AVL9: variants seen among roughly 807,000 people sequenced by gnomAD.
AVL9 encodes the protein late secretory pathway protein AVL9 homolog.
AVL9 carries 49 observed loss-of-function variants against 79.2 expected under a neutral mutation model. That is an observed-to-expected ratio of 0.62 (90% CI 0.49 to 0.79). The LOEUF is 0.79. AVL9 is among the 30% of genes least tolerant of loss of function. The probability of loss-of-function intolerance (pLI) is 0.00; values close to 1 mark genes in which losing one functional copy is unlikely to be tolerated. For synonymous variants in AVL9, 299 were observed against 280.6 expected (o/e 1.07, Z -0.65); for missense variants, 682 against 776.8 (o/e 0.88, Z 1.45).
At chr7:32,547,253 T>A (rs879500823) in intron 3 of AVL9, among the ~76,000 whole-genome samples, 2 of 152,208 alleles carry the variant, frequency 1.3e-5, no homozygotes, top group Admixed American at 1.3e-4. Flanking sequence ...AATCCCAGAG[T>A]TGGTTTTAAA....
chr7:32,542,072 C>CT (rs1420153040), intron 1 of AVL9, among the ~76,000 whole-genome samples: 1 of 151,910 alleles, frequency 6.6e-6, no homozygotes, highest in Non-Finnish European at 1.5e-5. Flanking sequence ...TTAATCTAAA[C>CT]TTTTAAAGAG....
At position 32,583,932 on chromosome 7, in the gene AVL9, C is replaced by T. The variant is rs1343840974; in HGVS notation, c.*25C>T. Reference sequence around the variant, plus strand: ...AGCAAGGCGTCAGAGGCTGCTATTGCTTTCTGAGGTTTAAGTGTCCCCTGT... The same window carrying T: ...AGCAAGGCGTCAGAGGCTGCTATTGTTTTCTGAGGTTTAAGTGTCCCCTGT... On this transcript the variant is annotated 3_prime_UTR_variant, in exon 16 of 16. Transcript: ENST00000318709. The T allele has an allele frequency of 1.3e-6, 2 of 1,548,450 alleles. No individual in the cohort carries two copies. Among genetic ancestry groups the T allele is most frequent in the Admixed American group, 1.7e-5 (1 of 59,896 alleles).
At chr7:32,541,148 G>A (rs1294017154) in intron 1 of AVL9, among the ~76,000 whole-genome samples, 5 of 151,836 alleles carry the variant, frequency 3.3e-5, no homozygotes, top group Admixed American at 1.3e-4. Context: ...TGATCCGCCC[G>A]CCTCGGCCTC....
At chr7:32,547,391 A>G (rs1221945407) in intron 3 of AVL9, among the ~76,000 whole-genome samples, 1 of 152,150 alleles carries the variant, frequency 6.6e-6, no homozygotes, top group African/African-American at 2.4e-5. Context: ...TCACTGTTAC[A>G]CTATTATCTT....
intron 1 of AVL9, among the ~76,000 whole-genome samples, chr7:32,520,288 A>G (rs1240486168): frequency 1.3e-5 from 2 of 152,246 alleles, no homozygotes; most frequent in African/African-American, 4.8e-5. Context: ...ATAGATTGGT[A>G]TCATTAGCTT....
chr7:32,573,006 A>C (rs1239951482), intron 11 of AVL9, among the ~76,000 whole-genome samples, 193 bp from the exon 12 acceptor site: 1 of 152,148 alleles, frequency 6.6e-6, no homozygotes, highest in African/African-American at 2.4e-5. Flanking sequence ...TTTTCTAAAA[A>C]CAGAAAATGA....
chr7:32,558,596 G>A lies in AVL9; in HGVS notation c.647G>A (p.Gly216Asp), dbSNP rs1179927111. 13 of 1,612,412 alleles carry A rather than the reference G, an allele frequency of 8.1e-6. No individual in the cohort carries two copies. The highest frequency in any genetic ancestry group is 1.3e-5 in the African/African-American group (1 of 74,788). ...ATTTCTCCAGTGAATAAATTGGTGGGTGCACTGATGACTGTGTTATCCCTT... is the reference window on the plus strand; with the variant it reads ...ATTTCTCCAGTGAATAAATTGGTGGATGCACTGATGACTGTGTTATCCCTT... ...FYISPVNKLV[G>D]ALMTVLSLFP... Residue 216 changes from glycine (G) to aspartate (D), a missense_variant, in exon 9 of 16, where the codon GGT becomes GAT. Gly to Asp is a moderately conservative substitution (Grantham distance 94). Transcript: ENST00000318709.
chr7:32,543,780 GA>G (rs1789329460), intron 2 of AVL9, among the ~76,000 whole-genome samples: 1 of 152,220 alleles, frequency 6.6e-6, no homozygotes, highest in Admixed American at 6.5e-5. Context: ...AGTTCTTACC[GA>G]ATCTCTTACC....
chr7:32,551,383 A>G lies in AVL9; in HGVS notation c.422A>G (p.Tyr141Cys). ...AAACTTCAACTCATTACACATGCATATTTTGAAGAGAAGGATTTTTCCCAA... is the reference window on the plus strand; with the variant it reads ...AAACTTCAACTCATTACACATGCATGTTTTGAAGAGAAGGATTTTTCCCAA... Reference protein sequence around the residue: ...QAKLQLITHAYFEEKDFSQIS... With the variant: ...QAKLQLITHACFEEKDFSQIS... Residue 141 changes from tyrosine (Y) to cysteine (C), a missense_variant, in exon 5 of 16, where the codon TAT becomes TGT. Transcript: ENST00000318709. 6.2e-7 allele frequency: 1 copy of G among 1,611,906 alleles called. No homozygotes were observed. Among genetic ancestry groups the G allele is most frequent in the Non-Finnish European group, 8.5e-7 (1 of 1,178,390 alleles).
Position 32,579,658 on chromosome 7 carries a change from AG to A in AVL9, c.1689-558del, listed in dbSNP as rs199543231. 1.2e-4 allele frequency among the ~76,000 whole-genome samples: 15 copies of A among 120,328 alleles called. 1 individual carries two copies. The East Asian group carries it at 2.8e-3, about 22-fold the overall frequency. 78.9% of individuals were successfully genotyped at this position (120,328 alleles called of 152,430 possible). A position where few individuals can be genotyped will look rare whatever the true frequency, so the allele number is the denominator to read the frequency against. On this transcript the variant is annotated intron_variant, in intron 13 of 15. Coordinates refer to ENST00000318709, the MANE Select transcript of AVL9 (RefSeq NM_015060.3). ...TTTTTTCTTTTAATATAATGGAAAT[AG>A]GGAAGTCTGAATAATGTATTTTCTT... is the stretch of plus-strand genomic sequence containing the variant.
Position 32,551,605 on chromosome 7 carries a change from C to CTTTTTTTT in AVL9, c.462+194_462+201dup, listed in dbSNP as rs60271681. Reference sequence around the variant, plus strand: ...TGCCCAAATACTAAATTTAACCAAACTTTTTTTTTTTTTTTTTTTAGGAAA... The same window carrying CTTTTTTTT: ...TGCCCAAATACTAAATTTAACCAAACTTTTTTTTTTTTTTTTTTTTTTTTTTTAGGAAA... On this transcript the variant is annotated intron_variant, in intron 5 of 15. Transcript: ENST00000318709. Among the ~76,000 whole-genome samples the CTTTTTTTT allele has an allele frequency of 6.4e-3, 602 of 93,706 alleles. 75 individuals carry two copies. The highest frequency in any genetic ancestry group is 0.021 in the African/African-American group (470 of 22,842). 61.5% of individuals were successfully genotyped at this position (93,706 alleles called of 152,430 possible). A position where few individuals can be genotyped will look rare whatever the true frequency, so the allele number is the denominator to read the frequency against.
chr7:32,520,081 A>C (rs1407807457), intron 1 of AVL9, among the ~76,000 whole-genome samples: 1 of 152,214 alleles, frequency 6.6e-6, no homozygotes, highest in Non-Finnish European at 1.5e-5. Context: ...ATGATTCAAC[A>C]TGAGATTTGG....
intron 9 of AVL9, 99 bp from the exon 10 acceptor site, chr7:32,558,830 T>A: frequency 2.5e-6 from 3 of 1,183,110 alleles, no homozygotes; most frequent in Non-Finnish European, 3.5e-6. Context: ...TGTACAAGCA[T>A]AGCTTATTAA....
chr7:32,496,484 C>T (rs531091333), intron 1 of AVL9, among the ~76,000 whole-genome samples: 13 of 152,250 alleles, frequency 8.5e-5, no homozygotes, highest in African/African-American at 2.9e-4. Context: ...AATATAAAGG[C>T]GTTTTTCAGC....
chr7:32,507,100 A>G (rs796815509), intron 1 of AVL9, among the ~76,000 whole-genome samples: 36 of 152,306 alleles, frequency 2.4e-4, no homozygotes, highest in African/African-American at 7.2e-4. Context: ...GTAAAGCTAT[A>G]TGGTCCTCTA....
Position 32,495,907 on chromosome 7 carries a change from C to T in AVL9, c.93+105C>T, listed in dbSNP as rs1786781205. ...CTCAGCTCGCGTCGTGCAGTCCTCC[C>T]CACAGCGCCTGCGACCCTTCGCCTC... On this transcript the variant is annotated intron_variant, in intron 1 of 15. Coordinates refer to ENST00000318709, the MANE Select transcript of AVL9 (RefSeq NM_015060.3). 4 of 689,830 alleles carry T rather than the reference C, an allele frequency of 5.8e-6. No individual in the cohort carries two copies. In the East Asian group the frequency reaches 1.4e-4, roughly 24 times the overall value. The allele number at this position is 689,830 out of a possible 1,614,324, so 42.7% of individuals were successfully genotyped here.
intron 1 of AVL9, among the ~76,000 whole-genome samples, chr7:32,529,921 T>A (rs1431205096): frequency 1.3e-5 from 2 of 152,178 alleles, no homozygotes; most frequent in Non-Finnish European, 1.5e-5. Flanking sequence ...CTTTTTTCTC[T>A]TAGTATTATG....
intron 11 of AVL9, among the ~76,000 whole-genome samples, chr7:32,572,145 G>C (rs933618352): frequency 1.4e-5 from 2 of 147,530 alleles, no homozygotes; most frequent in Admixed American, 1.3e-4. Flanking sequence ...TTGGGCGATA[G>C]AGTGAAATTC....
chr7:32,508,038 C>T (rs1239407230), intron 1 of AVL9, among the ~76,000 whole-genome samples: 1 of 152,190 alleles, frequency 6.6e-6, no homozygotes, highest in African/African-American at 2.4e-5. Context: ...TTGTGACGCA[C>T]ATGCTCCAAA....
Sources: gnomAD v4.1 joint callset for allele counts (sites outside exome capture counted in the v4.1 genomes callset) on GRCh38, gnomAD v4.1.1 for gene constraint, MANE v1.5 for transcripts, NCBI Gene and HGNC (gene_info 2026-07-23, HGNC 2026-07-21) for gene names.